The following ODF2L variants were observed in gnomAD, a reference collection of about 807,000 sequenced individuals.
ODF2L encodes protein BCAP.
In ODF2L, 76 loss-of-function variants were observed where a neutral mutation model predicts 86.3. The observed-to-expected ratio is 0.88, with a 90% CI of 0.73 to 1.07. The LOEUF (loss-of-function observed/expected upper bound fraction) is 1.07. Ranked by LOEUF, ODF2L falls within the 50% of genes least tolerant of loss-of-function variation. The probability of loss-of-function intolerance (pLI) is 0.00; values close to 1 mark genes in which losing one functional copy is unlikely to be tolerated. For missense variants in ODF2L, 748 were observed against 717.4 expected, an observed-to-expected ratio of 1.04 and a Z score of -0.49; for synonymous variants, 241 against 231.3, an observed-to-expected ratio of 1.04 and a Z score of -0.38.
intron 1 of ODF2L, among the ~76,000 whole-genome samples, chr1:86,393,222 A>C (rs1005093635): frequency 3.9e-5 from 6 of 152,236 alleles, no homozygotes; most frequent in Admixed American, 2.0e-4. Context: ...CCAAACACAA[A>C]TTCTTAGAAA....
At chr1:86,386,679 C>G (rs113524619) in intron 2 of ODF2L, 1 of 392,066 alleles carries the variant, frequency 2.6e-6, no homozygotes, top group Admixed American at 4.5e-5. Context: ...TGATCCATTG[C>G]GCCCGGCCAG....
chr1:86,378,920 G>A (rs902095703), intron 7 of ODF2L, among the ~76,000 whole-genome samples: 1 of 151,880 alleles, frequency 6.6e-6, no homozygotes, highest in African/African-American at 2.4e-5. Flanking sequence ...TGGAGCTGGG[G>A]CCTGGTGGGA....
chr1:86,384,126 T>TA (rs1007666116), intron 4 of ODF2L, among the ~76,000 whole-genome samples: 9 of 151,920 alleles, frequency 5.9e-5, no homozygotes, highest in African/African-American at 2.2e-4. Flanking sequence ...TAATATTAGA[T>TA]AGTTTTTACA....
At chr1:86,382,715 G>T (rs1183683494) in intron 6 of ODF2L, among the ~76,000 whole-genome samples, 1 of 151,754 alleles carries the variant, frequency 6.6e-6, no homozygotes, top group Non-Finnish European at 1.5e-5. Flanking sequence ...AGTGATTTAT[G>T]CCAAGTATCC....
rs762007903 is a variant in ODF2L, at chr1:86,358,049, AC to A, written c.1359+737del. 34 of 985,324 alleles carry A rather than the reference AC, an allele frequency of 3.5e-5. No individual in the cohort carries two copies. The South Asian group carries it at 1.6e-3, about 45-fold the overall frequency. The allele number at this position is 985,324 out of a possible 1,614,324, so 61.0% of individuals were successfully genotyped here. On this transcript the variant is annotated intron_variant, in intron 13 of 17. Transcript: ENST00000317336. ...ATCTTTATGTCTGTATAACTGGAGG[AC>A]GCTTGCTCTGGCTGACCTCTTCTTC...
intron 9 of ODF2L, 130 bp downstream of exon 9, chr1:86,372,301 A>G: frequency 2.5e-6 from 1 of 394,552 alleles, no homozygotes; most frequent in Non-Finnish European, 4.5e-6. Flanking sequence ...AATAGCAAAA[A>G]TATCAAATCA....
chr1:86,371,030 A>T (rs1196123040), exon 10 of ODF2L: 1 of 1,568,538 alleles, frequency 6.4e-7, no homozygotes, highest in East Asian at 2.3e-5. Context: ...TTAATTTTGT[A>T]TTCTCAAGAT....
At chr1:86,352,119 CA>C in exon 18 of ODF2L, 7 of 1,463,466 alleles carry the variant, frequency 4.8e-6, no homozygotes, top group Admixed American at 3.0e-5. Context: ...TTGTGCATGC[CA>C]AAAATCATTT....
intron 16 of ODF2L, among the ~76,000 whole-genome samples, chr1:86,353,854 G>A (rs1030757660): frequency 4.6e-5 from 7 of 152,176 alleles, no homozygotes; most frequent in Non-Finnish European, 7.3e-5. Context: ...GGCAGTGATG[G>A]CACTCTCACG....
chr1:86,390,729 C>A (rs934156475), intron 1 of ODF2L, among the ~76,000 whole-genome samples: 3 of 152,146 alleles, frequency 2.0e-5, no homozygotes, highest in Non-Finnish European at 4.4e-5. Context: ...CAACATAATA[C>A]TGAATGGGGA....
At chr1:86,390,504 C>A (rs1007202103) in intron 1 of ODF2L, among the ~76,000 whole-genome samples, 4 of 152,158 alleles carry the variant, frequency 2.6e-5, no homozygotes, top group African/African-American at 9.7e-5. Flanking sequence ...AGGTTTCATA[C>A]TACAGATGCA....
At chr1:86,360,678 T>C in intron 11 of ODF2L, 142 bp from the exon 11 acceptor site, 1 of 443,614 alleles carries the variant, frequency 2.3e-6, no homozygotes, top group South Asian at 5.3e-5. Flanking sequence ...CCATCTAAAA[T>C]TTAGGAATTT....
chr1:86,356,424 T>G lies in ODF2L; in HGVS notation c.1518+20A>C. 2.5e-6 allele frequency: 4 copies of G among 1,585,240 alleles called. No individual in the cohort carries two copies. Among genetic ancestry groups the G allele is most frequent in the Non-Finnish European group, 2.6e-6 (3 of 1,162,712 alleles). On this transcript the variant is annotated intron_variant, in intron 14 of 17. Coordinates refer to ENST00000317336, the Ensembl canonical transcript of ODF2L. ...ATTCTTTTAACGCATCTAGCAAAAC[T>G]CAGAAGGACGGCTGGACACCTGGCC...
chr1:86,353,134 T>C (rs1027339992), intron 16 of ODF2L, 150 bp from the exon 16 acceptor site: 2 of 567,688 alleles, frequency 3.5e-6, no homozygotes, highest in Non-Finnish European at 3.1e-6. Context: ...GAAGCATATA[T>C]AGCGTAAGTA....
intron 10 of ODF2L, among the ~76,000 whole-genome samples, chr1:86,370,393 A>C (rs1209597424): frequency 6.6e-6 from 1 of 152,168 alleles, no homozygotes; most frequent in Non-Finnish European, 1.5e-5. Flanking sequence ...TGCTACTAAT[A>C]TATTATTTAT....
At chr1:86,380,965 CA>C (rs1337287448) in intron 7 of ODF2L, among the ~76,000 whole-genome samples, 1 of 147,260 alleles carries the variant, frequency 6.8e-6, no homozygotes, top group African/African-American at 2.5e-5. Flanking sequence ...AAAAAAAAAA[CA>C]ACACAAAAAC....
chr1:86,363,224 T>C (rs1382258378), intron 11 of ODF2L, among the ~76,000 whole-genome samples: 1 of 152,172 alleles, frequency 6.6e-6, no homozygotes, highest in Non-Finnish European at 1.5e-5. Context: ...ATTTACTATT[T>C]TGGGAAACAT....
exon 4 of ODF2L, chr1:86,384,746 TTTA>T: frequency 2.6e-6 from 4 of 1,527,490 alleles, no homozygotes; most frequent in Non-Finnish European, 2.6e-6. Flanking sequence ...GTCTAATTCT[TTTA>T]TTAATATTTC....
chr1:86,384,704 T>C (rs1352331652), exon 4 of ODF2L: 2 of 1,514,624 alleles, frequency 1.3e-6, no homozygotes, highest in Non-Finnish European at 1.8e-6. Context: ...TCTAAGAAGA[T>C]GTTCTAAAGC....
Sources: gnomAD v4.1 joint callset for allele counts (sites outside exome capture counted in the v4.1 genomes callset) on GRCh38, gnomAD v4.1.1 for gene constraint, MANE v1.5 for transcripts, NCBI Gene and HGNC (gene_info 2026-07-23, HGNC 2026-07-21) for gene names.